Variants in IGFBP7 observed in about 807,000 individuals in gnomAD.
The protein encoded by IGFBP7 is insulin like growth factor binding protein 7.
In IGFBP7, 31 loss-of-function variants were observed where a neutral mutation model predicts 29.4. That is an observed-to-expected ratio of 1.05 (90% CI 0.79 to 1.42). The LOEUF (loss-of-function observed/expected upper bound fraction) is 1.42, where lower values mean the gene tolerates loss of function less well. Ranked by LOEUF, IGFBP7 falls within the 40% of genes most tolerant of loss-of-function variation. The pLI is 0.00. For missense variants in IGFBP7, 393 were observed against 395.5 expected (o/e 0.99, Z 0.05); for synonymous variants, 172 against 174.9 (o/e 0.98, Z 0.13).
intron 1 of IGFBP7, among the ~76,000 whole-genome samples, chr4:57,068,760 G>T (rs1197255261): frequency 2.0e-5 from 3 of 152,220 alleles, no homozygotes; most frequent in Non-Finnish European, 2.9e-5. Flanking sequence ...GAAGTGAAAG[G>T]AAACCGGATA....
At chr4:57,056,737 T>C (rs1724683231) in intron 1 of IGFBP7, among the ~76,000 whole-genome samples, 1 of 152,130 alleles carries the variant, frequency 6.6e-6, no homozygotes, top group African/African-American at 2.4e-5. Context: ...GGGAACAAGG[T>C]GAAGCAAAGC....
chr4:57,065,120 G>A (rs1215803550), intron 1 of IGFBP7, among the ~76,000 whole-genome samples: 2 of 152,268 alleles, frequency 1.3e-5, no homozygotes, highest in African/African-American at 2.4e-5. Context: ...TGGAATTAGG[G>A]AACATCACAA....
At chr4:57,048,593 A>C (rs1466819987) in intron 1 of IGFBP7, among the ~76,000 whole-genome samples, 1 of 152,212 alleles carries the variant, frequency 6.6e-6, no homozygotes, top group African/African-American at 2.4e-5. Context: ...ACATGAAATT[A>C]ATTTTGAATT....
chr4:57,034,062 A>AAG (rs943005922), intron 2 of IGFBP7, among the ~76,000 whole-genome samples: 3 of 150,606 alleles, frequency 2.0e-5, no homozygotes, highest in Non-Finnish European at 3.0e-5. Context: ...AAAAAAAAAA[A>AAG]AAAAAACAGC....
At chr4:57,104,574 T>A (rs1158808759) in intron 1 of IGFBP7, among the ~76,000 whole-genome samples, 1 of 152,148 alleles carries the variant, frequency 6.6e-6, no homozygotes, top group African/African-American at 2.4e-5. Flanking sequence ...ATTATCAACA[T>A]AAAAAATGAG....
intron 1 of IGFBP7, among the ~76,000 whole-genome samples, chr4:57,047,225 G>C (rs1483854168): frequency 6.6e-6 from 1 of 152,210 alleles, no homozygotes; most frequent in African/African-American, 2.4e-5. Context: ...TAGCGACTAA[G>C]TCTCATGAGA....
At chr4:57,101,159 A>G (rs1725887709) in intron 1 of IGFBP7, among the ~76,000 whole-genome samples, 1 of 152,256 alleles carries the variant, frequency 6.6e-6, no homozygotes, top group Admixed American at 6.5e-5. Flanking sequence ...TAATCCTGTG[A>G]AGGTATGAAA....
chr4:57,039,168 A>G (rs994527437), intron 2 of IGFBP7, among the ~76,000 whole-genome samples: 38 of 152,020 alleles, frequency 2.5e-4, no homozygotes, highest in African/African-American at 9.2e-4. Flanking sequence ...TTCTCCATAC[A>G]TGCTGAGATG....
At position 57,088,678 on chromosome 4, in the gene IGFBP7, C is replaced by G. The variant is rs542936649; in HGVS notation, c.475+21199G>C. ...CATATGAAGTTAATACTCTCACCAACCCTTTGGGTAAGCAATATTGTCCCC... is the reference window on the plus strand; with the variant it reads ...CATATGAAGTTAATACTCTCACCAAGCCTTTGGGTAAGCAATATTGTCCCC... On this transcript the variant is annotated intron_variant, in intron 1 of 4. Coordinates refer to ENST00000295666, the MANE Select transcript of IGFBP7 (RefSeq NM_001553.3). Among the ~76,000 whole-genome samples, 4 of 152,226 alleles carry G rather than the reference C, an allele frequency of 2.6e-5. 1 individual carries two copies. In the South Asian group the frequency reaches 6.2e-4, roughly 24 times the overall value.
chr4:57,047,740 AT>A (rs1367708613), intron 1 of IGFBP7, among the ~76,000 whole-genome samples: 1 of 152,042 alleles, frequency 6.6e-6, no homozygotes, highest in Non-Finnish European at 1.5e-5. Flanking sequence ...CCTTTGCTAC[AT>A]TTTTTCTTTT....
At chr4:57,095,597 C>T (rs1036232428) in intron 1 of IGFBP7, among the ~76,000 whole-genome samples, 1 of 152,114 alleles carries the variant, frequency 6.6e-6, no homozygotes, top group Non-Finnish European at 1.5e-5. Flanking sequence ...AACTGATGCT[C>T]AGAGAGGTTA....
intron 1 of IGFBP7, among the ~76,000 whole-genome samples, chr4:57,107,770 G>C (rs989656030): frequency 6.6e-6 from 1 of 152,180 alleles, no homozygotes; most frequent in African/African-American, 2.4e-5. Context: ...ACCCTCAAAG[G>C]GTTTGCAGTC....
chr4:57,109,941 G>A lies in IGFBP7; in HGVS notation c.411C>T (p.Ser137=). 6.4e-7 allele frequency: 1 copy of A among 1,556,136 alleles called. No homozygotes were observed. The highest frequency in any genetic ancestry group is 8.6e-7 in the Non-Finnish European group (1 of 1,157,454). The change falls in exon 1 of 5, where the codon AGC becomes AGT. Residue 137 remains serine (S), a synonymous_variant. Coordinates refer to ENST00000295666, the MANE Select transcript of IGFBP7 (RefSeq NM_001553.3). ...TCTCCCCGCGGCTCTCGGCCCTCTG[G>A]CTGGCGGCGCGCAGCTGGCAGCCGC... is the stretch of plus-strand genomic sequence containing the variant. ...YPSGCQLRAA[S]QRAESRGEKA... is the part of the protein sequence containing the mutation.
At chr4:57,083,879 TTTA>T (rs1725432778) in intron 1 of IGFBP7, among the ~76,000 whole-genome samples, 1 of 152,232 alleles carries the variant, frequency 6.6e-6, no homozygotes, top group Non-Finnish European at 1.5e-5. Context: ...TGAATAGTTT[TTTA>T]TTAAGAATTT....
rs1723954595 is a variant in IGFBP7 at position 57,032,439 on chromosome 4, T to C, written c.816A>G (p.Ile272Met). The change falls in exon 4 of 5, where the codon ATA (isoleucine) becomes ATG (methionine). Residue 272 changes from isoleucine (I) to methionine (M), a missense_variant. Coordinates refer to ENST00000295666, the MANE Select transcript of IGFBP7 (RefSeq NM_001553.3). ...KITVVDALHEIPVKKGEGAEL is the reference protein window; with the variant it reads ...KITVVDALHEMPVKKGEGAEL ...TTTATTGTGTACCTTTTTTCACTGG[T>C]ATTTCATGTAAGGCATCAACCACTG... 1 of 1,613,838 alleles carries C rather than the reference T, an allele frequency of 6.2e-7. No individual in the cohort carries two copies. The highest frequency in any genetic ancestry group is 2.2e-5 in the East Asian group (1 of 44,872).
intron 1 of IGFBP7, among the ~76,000 whole-genome samples, chr4:57,087,851 G>A (rs149345468): frequency 6.6e-6 from 1 of 152,360 alleles, no homozygotes; most frequent in Non-Finnish European, 1.5e-5. Flanking sequence ...AATGATCACT[G>A]TTAGTCAATG....
At chr4:57,109,777 A>G in intron 1 of IGFBP7, 100 bp downstream of exon 1, 1 of 1,347,122 alleles carries the variant, frequency 7.4e-7, no homozygotes, top group Non-Finnish European at 9.7e-7. Context: ...GGGGAATCGC[A>G]GTGAGCAGCG....
chr4:57,041,327 G>T (rs1180970334), intron 1 of IGFBP7, among the ~76,000 whole-genome samples: 6 of 151,910 alleles, frequency 3.9e-5, no homozygotes, highest in Admixed American at 2.6e-4. Context: ...GGTTGGAAAG[G>T]CAACAAGCAA....
At chr4:57,088,846 G>A (rs56873094) in intron 1 of IGFBP7, among the ~76,000 whole-genome samples, 17,061 of 151,712 alleles carry the variant, frequency 0.11, 1,121 homozygotes, top group African/African-American at 0.17. Flanking sequence ...CCTGGCCAAC[G>A]TGCTGAAACC....
Sources: allele counts gnomAD v4.1 joint callset (sites outside exome capture counted in the v4.1 genomes callset), GRCh38; gene constraint gnomAD v4.1.1; transcripts MANE v1.5; gene names NCBI Gene and HGNC (gene_info 2026-07-23, HGNC 2026-07-21).